The following COL18A1 variants were observed in gnomAD, a reference collection of about 807,000 sequenced individuals.
COL18A1 encodes collagen alpha-1(XVIII) chain.
A neutral mutation model predicts 168.0 loss-of-function variants in COL18A1; 133 were observed. The ratio of observed to expected loss-of-function variants is 0.79; its 90% CI spans 0.69 to 0.91. The LOEUF is 0.91. COL18A1 is among the 40% of genes least tolerant of loss of function. The pLI is 0.00. For synonymous variants in COL18A1, 949 were observed against 809.0 expected, an observed-to-expected ratio of 1.17 and a Z score of -2.94; for missense variants, 2,126 against 1,925.4, an observed-to-expected ratio of 1.10 and a Z score of -1.95.
chr21:45,447,758 G>A (rs1158452791), intron 2 of COL18A1, among the ~76,000 whole-genome samples: 1 of 152,158 alleles, frequency 6.6e-6, no homozygotes, highest in Non-Finnish European at 1.5e-5. Flanking sequence ...TATCTGCTTT[G>A]TTTTGGGTAG....
intron 2 of COL18A1, among the ~76,000 whole-genome samples, chr21:45,434,122 G>T (rs1367688667): frequency 6.6e-6 from 1 of 151,918 alleles, no homozygotes; most frequent in Non-Finnish European, 1.5e-5. Context: ...TGTGTGAGCA[G>T]ACACTTCCTG....
chr21:45,432,216 TG>T (rs1203441481), intron 2 of COL18A1, among the ~76,000 whole-genome samples: 1 of 151,030 alleles, frequency 6.6e-6, no homozygotes, highest in Non-Finnish European at 1.5e-5. Context: ...GGTGCCCTCA[TG>T]GGGGGTCCTG....
chr21:45,427,982 C>G (rs1007210749), intron 2 of COL18A1, among the ~76,000 whole-genome samples: 10 of 152,192 alleles, frequency 6.6e-5, no homozygotes, highest in African/African-American at 2.4e-4. Context: ...CCCTGCAGAG[C>G]CGGGAGGACA....
chr21:45,462,524 A>G (rs2035079461), intron 2 of COL18A1, among the ~76,000 whole-genome samples: 1 of 152,146 alleles, frequency 6.6e-6, no homozygotes, highest in African/African-American at 2.4e-5. Flanking sequence ...GTCTGCTCAA[A>G]TCACCTTCAG....
rs773888493 is a variant in COL18A1, at chr21:45,480,813, T to C, written c.1566T>C (p.Pro522=). The C allele has an allele frequency of 1.9e-6, 3 of 1,612,028 alleles. No homozygotes were observed. The highest frequency in any genetic ancestry group is 1.1e-5 in the South Asian group (1 of 91,014). The change falls in exon 13 of 42, where the codon CCT becomes CCC. Residue 522 remains proline, a synonymous_variant. Transcript: ENST00000651438. ...SSDVPGPAGL[P]GVPGREGPPG... The stretch of plus-strand genomic sequence containing the variant: ...ACGTCCCAGGACCCGCCGGCCTTCC[T>C]GGTGTGCCTGGGCGCGAGGGTCCCC...
rs1462703295 is a variant in COL18A1, at chr21:45,492,687, G to T, written c.2188G>T (p.Gly730Cys). ...GCTGACGCCGTCCCTCTTTCCCCAG[G>T]GCCGGCCGGGTTTCGCAGGCTTTCC... ...GSVLSVPGPEGRPGFAGFPGP... is the reference protein window; with the variant it reads ...GSVLSVPGPECRPGFAGFPGP... The change falls in exon 24 of 42, where the codon GGC becomes TGC. Residue 730 changes from glycine to cysteine, a missense_variant and splice_region_variant. Transcript: ENST00000651438. The T allele has an allele frequency of 1.3e-5, 21 of 1,611,170 alleles. No individual in the cohort carries two copies. Among genetic ancestry groups the T allele is most frequent in the Non-Finnish European group, 1.6e-5 (19 of 1,179,552 alleles).
At chr21:45,470,021 G>A (rs1478921188) in intron 3 of COL18A1, among the ~76,000 whole-genome samples, 2 of 152,206 alleles carry the variant, frequency 1.3e-5, no homozygotes, top group Admixed American at 6.5e-5. Context: ...GGAATAAAGT[G>A]GCCCACAAGT....
chr21:45,489,029 G>T (rs2036209413), intron 18 of COL18A1, among the ~76,000 whole-genome samples: 1 of 152,212 alleles, frequency 6.6e-6, no homozygotes, highest in South Asian at 2.1e-4. Context: ...AGCGTCCTCT[G>T]CTGCGTGCGG....
At chr21:45,495,251 G>A (rs922588892) in intron 28 of COL18A1, 107 bp from the exon 29 acceptor site, 32 of 909,142 alleles carry the variant, frequency 3.5e-5, no homozygotes, top group Middle Eastern at 2.2e-4. Context: ...GTGAGGCTGA[G>A]CGTGGGCCGG....
At chr21:45,416,053 G>C (rs1328508913) in intron 2 of COL18A1, among the ~76,000 whole-genome samples, 2 of 152,204 alleles carry the variant, frequency 1.3e-5, no homozygotes, top group Non-Finnish European at 2.9e-5. Context: ...GCAACACCGG[G>C]CAGGTATGCC....
chr21:45,439,432 C>T (rs1057140267), intron 2 of COL18A1, among the ~76,000 whole-genome samples: 3 of 152,264 alleles, frequency 2.0e-5, no homozygotes, highest in Admixed American at 6.5e-5. Flanking sequence ...ACTTTCTAGG[C>T]CTTTACGTAT....
At chr21:45,489,410 C>T in intron 18 of COL18A1, 76 bp from the exon 19 acceptor site, 1 of 1,129,434 alleles carries the variant, frequency 8.9e-7, no homozygotes, top group Non-Finnish European at 1.3e-6. Context: ...TCACCCTTCC[C>T]TTCACCCGGG....
chr21:45,506,158 T>C, intron 37 of COL18A1, 192 bp downstream of exon 37: 1 of 792,004 alleles, frequency 1.3e-6, no homozygotes, highest in Non-Finnish European at 2.0e-6. Context: ...TAAAGAAAAG[T>C]GAGCTCAAGC....
rs1230163940 is a variant in COL18A1, at chr21:45,477,433, T to C, written c.951T>C (p.Asp317=). Residue 317 remains aspartate (D), a synonymous_variant, in exon 7 of 42, where the codon GAT becomes GAC. Coordinates refer to ENST00000651438, the MANE Select transcript of COL18A1 (RefSeq NM_001379500.1). ...CAGCTCAGACACTTCCTGGCTCAGA[T>C]TCTGTCTCCACGTGGGACGGGAGTG... is the stretch of plus-strand genomic sequence containing the variant. ...SLGAQTLPGS[D]SVSTWDGSVR... 1.2e-6 allele frequency: 2 copies of C among 1,613,280 alleles called. No individual in the cohort carries two copies. Among genetic ancestry groups the C allele is most frequent in the South Asian group, 2.2e-5 (2 of 90,848 alleles).
rs1001630448 is a variant in COL18A1 at position 45,494,985 on chromosome 21, G to A, written c.2433+70G>A. 2.5e-5 allele frequency: 34 copies of A among 1,371,056 alleles called. No homozygotes were observed. The East Asian group carries it at 2.7e-4, about 11-fold the overall frequency. The allele number at this position is 1,371,056 out of a possible 1,614,324, so 84.9% of individuals were successfully genotyped here. A position where few individuals can be genotyped will look rare whatever the true frequency, so the allele number is the denominator to read the frequency against. The stretch of plus-strand genomic sequence containing the variant: ...CAGGTGGGGAGCAGCCCAGGCCCAC[G>A]GGGGTGACATGCCCAGAGGGGAGTG... On this transcript the variant is annotated intron_variant, in intron 28 of 41. Transcript: ENST00000651438.
Position 45,493,244 on chromosome 21 carries a change from G to A in COL18A1, c.2277+19G>A, listed in dbSNP as rs574496789. 4.5e-6 allele frequency: 7 copies of A among 1,552,462 alleles called. No individual in the cohort carries two copies. The highest frequency in any genetic ancestry group is 1.9e-5 in the Admixed American group (1 of 51,364). Reference sequence around the variant, plus strand: ...ACCCAAGGTAAGGGGCTCAGGTGCTGTCCCTCAACCCCCTTTGTGACCCAG... The same window carrying A: ...ACCCAAGGTAAGGGGCTCAGGTGCTATCCCTCAACCCCCTTTGTGACCCAG... On this transcript the variant is annotated intron_variant, in intron 25 of 41. Coordinates refer to ENST00000651438, the MANE Select transcript of COL18A1 (RefSeq NM_001379500.1).
chr21:45,494,181 C>G (rs932585456), intron 26 of COL18A1: 8 of 454,724 alleles, frequency 1.8e-5, no homozygotes, highest in Non-Finnish European at 2.9e-5. Flanking sequence ...GAGAGCTCCA[C>G]TATCCCACCC....
chr21:45,418,713 C>A, intron 2 of COL18A1, among the ~76,000 whole-genome samples: 1 of 150,066 alleles, frequency 6.7e-6, no homozygotes, highest in South Asian at 2.1e-4. Flanking sequence ...CTCCCAGCCA[C>A]CTCACGTCAC....
Position 45,457,613 on chromosome 21 carries a change from G to A in COL18A1, c.107-10629G>A, listed in dbSNP as rs923939365. Among the ~76,000 whole-genome samples, 3 of 152,176 alleles carry A rather than the reference G, an allele frequency of 2.0e-5. No homozygotes were observed. The highest frequency in any genetic ancestry group is 7.2e-5 in the African/African-American group (3 of 41,444). On this transcript the variant is annotated intron_variant, in intron 2 of 41. Coordinates refer to ENST00000651438, the MANE Select transcript of COL18A1 (RefSeq NM_001379500.1). The surrounding 1 kb of genome is among the most constrained non-coding windows in gnomAD (Gnocchi z 4.6). The stretch of plus-strand genomic sequence containing the variant: ...CTGGGGGCAGGGGCAGCCCAGAAAG[G>A]ACCCCAGCAGATCCCTCCTCTGTGT...
Sources: allele counts gnomAD v4.1 joint callset (sites outside exome capture counted in the v4.1 genomes callset), GRCh38; gene constraint gnomAD v4.1.1; non-coding constraint Gnocchi (gnomAD v3.1); transcripts MANE v1.5; gene names NCBI Gene and HGNC (gene_info 2026-07-23, HGNC 2026-07-21).